The following SPATA13 variants were observed in gnomAD, a reference collection of about 807,000 sequenced individuals.
SPATA13 encodes spermatogenesis-associated protein 13.
In SPATA13, 50 loss-of-function variants were observed where a neutral mutation model predicts 104.0. The ratio of observed to expected loss-of-function variants is 0.48; its 90% CI spans 0.38 to 0.61. The LOEUF is 0.61. Among genes scored for constraint, SPATA13 ranks in the 20% least tolerant of loss-of-function variants. The probability of loss-of-function intolerance (pLI) is 0.00; values close to 1 mark genes in which losing one functional copy is unlikely to be tolerated. For missense variants in SPATA13, 1,524 were observed against 1,690.6 expected, an observed-to-expected ratio of 0.90 and a Z score of 1.73; for synonymous variants, 606 against 667.5, an observed-to-expected ratio of 0.91 and a Z score of 1.42.
At chr13:24,001,841 G>C (rs984577661) in intron 2 of SPATA13, among the ~76,000 whole-genome samples, 2 of 152,012 alleles carry the variant, frequency 1.3e-5, no homozygotes, top group Non-Finnish European at 2.9e-5. Flanking sequence ...TGTGGGGAGA[G>C]GCTCCGGCAC....
At chr13:24,197,715 A>C (rs1470835770) in intron 1 of SPATA13, among the ~76,000 whole-genome samples, 1 of 152,204 alleles carries the variant, frequency 6.6e-6, no homozygotes, top group Non-Finnish European at 1.5e-5. Context: ...TGTGATATTG[A>C]AAGTACATGT....
intron 4 of SPATA13, among the ~76,000 whole-genome samples, chr13:24,260,808 A>T (rs1343674286): frequency 6.6e-6 from 1 of 152,236 alleles, no homozygotes; most frequent in Non-Finnish European, 1.5e-5. Flanking sequence ...ATGGGTGTGG[A>T]TTGTACAAGA....
intron 3 of SPATA13, chr13:24,123,332 T>G (rs1328787169): frequency 7.2e-7 from 1 of 1,394,026 alleles, no homozygotes; most frequent in Admixed American, 1.7e-5. Context: ...TCTGATCACT[T>G]TCGAACTTCA....
chr13:24,129,280 C>G lies in SPATA13; in HGVS notation c.-111-93539C>G, dbSNP rs540035401. 1.1e-4 allele frequency among the ~76,000 whole-genome samples: 16 copies of G among 152,318 alleles called. No homozygotes were observed. In the South Asian group the frequency reaches 2.7e-3, roughly 26 times the overall value. ...TCAAAGTCTGAGTACAGCGTCTGTCCCATGTGAGCATGAGGGAAAGGGAAT... is the reference window on the plus strand; with the variant it reads ...TCAAAGTCTGAGTACAGCGTCTGTCGCATGTGAGCATGAGGGAAAGGGAAT... On this transcript the variant is annotated intron_variant, in intron 3 of 14. Coordinates refer to the SPATA13 transcript ENST00000424834.
At chr13:24,129,614 A>G (rs1881331942) in intron 3 of SPATA13, among the ~76,000 whole-genome samples, 1 of 152,124 alleles carries the variant, frequency 6.6e-6, no homozygotes, top group Non-Finnish European at 1.5e-5. Context: ...GGGCAGGGCC[A>G]CCCTATGTAT....
chr13:24,116,141 C>T (rs1880828818), intron 3 of SPATA13, among the ~76,000 whole-genome samples: 1 of 152,240 alleles, frequency 6.6e-6, no homozygotes, highest in African/African-American at 2.4e-5. Flanking sequence ...TCATGAACAA[C>T]AGAAATTTCC....
At chr13:24,059,322 G>T (rs1392594891) in intron 3 of SPATA13, among the ~76,000 whole-genome samples, 1 of 151,246 alleles carries the variant, frequency 6.6e-6, no homozygotes, top group East Asian at 2.0e-4. Context: ...TTGGGACTTG[G>T]TGAATGTCAC....
intron 3 of SPATA13, among the ~76,000 whole-genome samples, chr13:24,142,140 A>G (rs964396106): frequency 6.6e-6 from 1 of 151,536 alleles, no homozygotes; most frequent in Admixed American, 6.6e-5. Flanking sequence ...TTATGCTACA[A>G]ATAGGACAGA....
intron 2 of SPATA13, among the ~76,000 whole-genome samples, chr13:24,017,035 G>T (rs773012497): frequency 6.6e-6 from 1 of 152,198 alleles, no homozygotes; most frequent in South Asian, 2.1e-4. Flanking sequence ...AGTGAGGAGC[G>T]CCCGAAGTGT....
intron 3 of SPATA13, among the ~76,000 whole-genome samples, chr13:24,023,508 G>C (rs1877077253): frequency 1.3e-5 from 2 of 152,162 alleles, no homozygotes; most frequent in African/African-American, 4.8e-5. Context: ...CTATTCCCTG[G>C]CATTTGTGAA....
intron 3 of SPATA13, among the ~76,000 whole-genome samples, chr13:24,056,366 C>T (rs574674078): frequency 6.6e-6 from 1 of 152,192 alleles, no homozygotes; most frequent in African/African-American, 2.4e-5. Context: ...TGGTTAACCA[C>T]GTAGATCTGC....
rs1280722913 is a variant in SPATA13, at chr13:24,011,836, C to G, written c.-146-5831C>G. 6.6e-6 allele frequency among the ~76,000 whole-genome samples: 1 copy of G among 152,234 alleles called. No homozygotes were observed. Among genetic ancestry groups the G allele is most frequent in the Non-Finnish European group, 1.5e-5 (1 of 68,038 alleles). On this transcript the variant is annotated intron_variant, in intron 2 of 14. Transcript: ENST00000424834. This position sits in a 1 kb window ranked among gnomAD's most constrained non-coding sequence, Gnocchi z 4.3. ...ATGGCCTGGAACTTAGGGGCAGAGC[C>G]CACCTGCACAGGCAAACTTGGGGGA...
intron 9 of SPATA13, among the ~76,000 whole-genome samples, chr13:24,292,995 C>CAA (rs34221097): frequency 0.35 from 8,337 of 23,910 alleles, 3,761 homozygotes; most frequent in African/African-American, 0.4. Flanking sequence ...GACTTTGTCT[C>CAA]AAAAAAAAAA....
chr13:24,128,308 GA>G (rs1325895315), intron 3 of SPATA13, among the ~76,000 whole-genome samples: 1 of 152,200 alleles, frequency 6.6e-6, no homozygotes, highest in Non-Finnish European at 1.5e-5. Flanking sequence ...TTCATCACCA[GA>G]AATGCTCTGC....
intron 2 of SPATA13, among the ~76,000 whole-genome samples, chr13:23,989,439 A>T (rs922566882): frequency 6.6e-6 from 1 of 151,978 alleles, no homozygotes; most frequent in Non-Finnish European, 1.5e-5. Flanking sequence ...AAAAAGATTT[A>T]CTCAAGTTAT....
chr13:24,067,942 G>C (rs1052854039), intron 3 of SPATA13, among the ~76,000 whole-genome samples: 1 of 152,204 alleles, frequency 6.6e-6, no homozygotes, highest in African/African-American at 2.4e-5. Flanking sequence ...GACCTCAGGT[G>C]ATCTGCATGC....
chr13:24,138,432 A>G (rs1427979444), intron 3 of SPATA13, among the ~76,000 whole-genome samples: 1 of 152,190 alleles, frequency 6.6e-6, no homozygotes, highest in African/African-American at 2.4e-5. Context: ...TGGAACTGCT[A>G]TTGAACATTG....
intron 4 of SPATA13, among the ~76,000 whole-genome samples, chr13:24,253,774 T>C (rs1270402899): frequency 2.0e-5 from 3 of 152,090 alleles, no homozygotes; most frequent in Non-Finnish European, 4.4e-5. Context: ...GGAGAAGTCC[T>C]AGCCGAAGGA....
intron 1 of SPATA13, among the ~76,000 whole-genome samples, chr13:24,181,167 CA>C (rs1247468926): frequency 6.6e-6 from 1 of 152,068 alleles, no homozygotes; most frequent in Non-Finnish European, 1.5e-5. Flanking sequence ...CTGGGTGAGT[CA>C]GTGAGTGAGG....
Sources: allele counts gnomAD v4.1 joint callset (sites outside exome capture counted in the v4.1 genomes callset), GRCh38; gene constraint gnomAD v4.1.1; non-coding constraint Gnocchi (gnomAD v3.1); transcripts MANE v1.5; gene names NCBI Gene and HGNC (gene_info 2026-07-23, HGNC 2026-07-21).